The following SND1 variants were observed in gnomAD, a reference collection of about 807,000 sequenced individuals.
SND1 encodes staphylococcal nuclease and tudor domain containing 1, also known as staphylococcal nuclease domain-containing protein 1.
SND1 carries 38 observed loss-of-function variants against 121.7 expected under a neutral mutation model. The observed-to-expected ratio is 0.31, with a 90% CI of 0.24 to 0.41. The LOEUF is 0.41. Ranked by LOEUF, SND1 falls within the 10% of genes least tolerant of loss-of-function variation. The pLI is 1.00. For synonymous variants in SND1, 401 were observed against 447.4 expected (o/e 0.90, Z 1.31); for missense variants, 868 against 1,184.6 (o/e 0.73, Z 3.92).
At chr7:127,927,608 T>C (rs1800868166) in intron 14 of SND1, among the ~76,000 whole-genome samples, 2 of 152,220 alleles carry the variant, frequency 1.3e-5, no homozygotes, top group Non-Finnish European at 2.9e-5. Flanking sequence ...CCTTGCCTTT[T>C]ACCACTGTAC....
chr7:127,938,877 T>C (rs1427854395), intron 15 of SND1, among the ~76,000 whole-genome samples: 1 of 152,160 alleles, frequency 6.6e-6, no homozygotes. Context: ...TTCAATTACA[T>C]GGTTATTTAA....
intron 10 of SND1, among the ~76,000 whole-genome samples, chr7:127,771,523 A>C (rs1265828877): frequency 2.0e-5 from 3 of 152,214 alleles, no homozygotes; most frequent in Non-Finnish European, 4.4e-5. Flanking sequence ...AATTTTTGCC[A>C]GTCGATTTTC....
At chr7:128,007,315 A>G (rs1317484805) in intron 16 of SND1, among the ~76,000 whole-genome samples, 1 of 152,152 alleles carries the variant, frequency 6.6e-6, no homozygotes, top group Non-Finnish European at 1.5e-5. Flanking sequence ...TTTAATGCAC[A>G]TGTTTTTCCC....
intron 11 of SND1, among the ~76,000 whole-genome samples, chr7:127,838,176 G>A (rs1022591169): frequency 6.6e-6 from 1 of 152,100 alleles, no homozygotes; most frequent in Non-Finnish European, 1.5e-5. Flanking sequence ...CTCAAAGGAC[G>A]GAGCAGGTGA....
chr7:128,030,416 C>G (rs755384096), intron 16 of SND1: 3 of 1,613,834 alleles, frequency 1.9e-6, no homozygotes, highest in Admixed American at 3.3e-5. Flanking sequence ...ACCGGGTGTT[C>G]GAGGGAATAC....
chr7:127,918,679 T>C (rs1800638772), intron 14 of SND1, among the ~76,000 whole-genome samples: 1 of 152,214 alleles, frequency 6.6e-6, no homozygotes, highest in Admixed American at 6.5e-5. Flanking sequence ...CTGTAAATAG[T>C]TCTACTAGAA....
At position 127,832,301 on chromosome 7, in the gene SND1, T is replaced by G. The variant is rs114468473; in HGVS notation, c.1243-12023T>G. ...AGTGGAACTGCTGGGTTAAAGGACA[T>G]CCACATATTAAATGTTAGTAGAATT... On this transcript the variant is annotated intron_variant, in intron 11 of 23. Coordinates refer to ENST00000354725, the MANE Select transcript of SND1 (RefSeq NM_014390.4). 3.6e-3 allele frequency among the ~76,000 whole-genome samples: 555 copies of G among 152,308 alleles called. 3 individuals are homozygous for G. The highest frequency in any genetic ancestry group is 0.013 in the African/African-American group (533 of 41,562).
intron 16 of SND1, among the ~76,000 whole-genome samples, chr7:128,044,514 T>G (rs180870920): frequency 6.6e-6 from 1 of 152,152 alleles, no homozygotes; most frequent in African/African-American, 2.4e-5. Context: ...ATTTTGAAAA[T>G]TTTTTCTTCC....
intron 12 of SND1, among the ~76,000 whole-genome samples, chr7:127,881,109 A>G (rs1584637939): frequency 6.6e-6 from 1 of 151,778 alleles, no homozygotes; most frequent in South Asian, 2.1e-4. Flanking sequence ...TAATAAGACA[A>G]CCTTTGTTTC....
At chr7:127,981,251 G>A (rs1396266073) in intron 15 of SND1, among the ~76,000 whole-genome samples, 1 of 151,930 alleles carries the variant, frequency 6.6e-6, no homozygotes, top group African/African-American at 2.4e-5. Context: ...GTTTTGGTAT[G>A]GATAATAAAG....
chr7:127,785,431 G>T (rs1797794467), intron 10 of SND1, among the ~76,000 whole-genome samples: 1 of 152,164 alleles, frequency 6.6e-6, no homozygotes, highest in Admixed American at 6.6e-5. Context: ...CAGAAGGAAA[G>T]AGAAAAATCT....
At chr7:127,844,288 C>T in intron 11 of SND1, 36 bp from the exon 12 acceptor site, 1 of 1,565,780 alleles carries the variant, frequency 6.4e-7, no homozygotes, top group East Asian at 2.2e-5. Context: ...ATGTTGCAGA[C>T]TCTCAACCCT....
intron 11 of SND1, among the ~76,000 whole-genome samples, chr7:127,842,646 G>T (rs1399288878): frequency 2.0e-5 from 3 of 152,028 alleles, no homozygotes; most frequent in Admixed American, 2.0e-4. Flanking sequence ...CTTTGTAATT[G>T]TTATCTTGTT....
intron 12 of SND1, among the ~76,000 whole-genome samples, chr7:127,870,903 T>A (rs577402015): frequency 2.0e-4 from 30 of 152,304 alleles, no homozygotes; most frequent in African/African-American, 6.7e-4. Context: ...TCCTTTGTAA[T>A]AACACTTAGC....
chr7:128,045,495 A>G (rs1470785586), intron 16 of SND1, among the ~76,000 whole-genome samples: 2 of 152,082 alleles, frequency 1.3e-5, no homozygotes, highest in Non-Finnish European at 2.9e-5. Flanking sequence ...TGCCACTCCT[A>G]CCCTGTGATG....
intron 16 of SND1, among the ~76,000 whole-genome samples, chr7:128,016,424 A>G (rs1002475321): frequency 5.3e-5 from 8 of 152,190 alleles, no homozygotes; most frequent in East Asian, 1.9e-4. Flanking sequence ...AGGAACAATA[A>G]AATACTGACT....
chr7:127,656,377 C>T (rs1202502540), intron 1 of SND1, among the ~76,000 whole-genome samples: 1 of 147,846 alleles, frequency 6.8e-6, no homozygotes, highest in African/African-American at 2.5e-5. Context: ...GGCTGGAGTG[C>T]AGTGGCGCTA....
chr7:127,863,557 G>A (rs1319671131), intron 12 of SND1, among the ~76,000 whole-genome samples: 2 of 152,178 alleles, frequency 1.3e-5, no homozygotes, highest in East Asian at 3.9e-4. Context: ...GAATTAACCA[G>A]TGCTATATGA....
intron 14 of SND1, among the ~76,000 whole-genome samples, chr7:127,918,878 G>A (rs571475354): frequency 1.0e-3 from 155 of 152,266 alleles, no homozygotes; most frequent in African/African-American, 3.5e-3. Flanking sequence ...TCTTTATTGA[G>A]TAAAATGATT....
Sources: allele counts gnomAD v4.1 joint callset (sites outside exome capture counted in the v4.1 genomes callset), GRCh38; gene constraint gnomAD v4.1.1; transcripts MANE v1.5; gene names NCBI Gene and HGNC (gene_info 2026-07-23, HGNC 2026-07-21).